VPS26B: variants seen among roughly 807,000 people sequenced by gnomAD.
The protein encoded by VPS26B is vacuolar protein sorting-associated protein 26B.
A neutral mutation model predicts 33.3 loss-of-function variants in VPS26B; 10 were observed. The observed-to-expected ratio is 0.30, with a 90% CI of 0.19 to 0.51. VPS26B has a LOEUF of 0.51. Among genes scored for constraint, VPS26B ranks in the 20% least tolerant of loss-of-function variants. VPS26B has a pLI of 0.98. For synonymous variants in VPS26B, 190 were observed against 176.9 expected (o/e 1.07, Z -0.59); for missense variants, 317 against 452.7 (o/e 0.70, Z 2.72).
rs1178247660 is a variant in VPS26B at position 134,244,130 on chromosome 11, T to A, written c.722-808T>A. The A allele has an allele frequency of 1.3e-5, 2 of 152,188 alleles. No individual in the cohort carries two copies. Among genetic ancestry groups the A allele is most frequent in the African/African-American group, 2.4e-5 (1 of 41,436 alleles). 9.4% of individuals were successfully genotyped at this position (152,188 alleles called of 1,614,324 possible). A position where few individuals can be genotyped will look rare whatever the true frequency, so the allele number is the denominator to read the frequency against. On this transcript the variant is annotated intron_variant, in intron 4 of 5. Coordinates refer to ENST00000281187, the MANE Select transcript of VPS26B (RefSeq NM_052875.5). This position sits in a 1 kb window ranked among gnomAD's most constrained non-coding sequence, Gnocchi z 4.0. The stretch of plus-strand genomic sequence containing the variant: ...GGTTGGGACCAAGCTCTCCTGACAC[T>A]CTCTGATGTCCCATTTTGTCACTGG...
In VPS26B at chr11:134,245,753, A is replaced by C; in HGVS notation, c.*163A>C. The C allele has an allele frequency of 2.0e-6, 2 of 1,016,664 alleles. No homozygotes were observed. Among genetic ancestry groups the C allele is most frequent in the Non-Finnish European group, 2.8e-6 (2 of 718,260 alleles). 63.0% of individuals were successfully genotyped at this position (1,016,664 alleles called of 1,614,324 possible). A position where few individuals can be genotyped will look rare whatever the true frequency, so the allele number is the denominator to read the frequency against. ...TTAAATTCTTTTCTCTGGAGAACCC[A>C]AGGGGCTTGGGGTGGGAAGCAGTCT... is the stretch of plus-strand genomic sequence containing the variant. On this transcript the variant is annotated 3_prime_UTR_variant, in exon 6 of 6. Coordinates refer to ENST00000281187, the MANE Select transcript of VPS26B (RefSeq NM_052875.5). This position sits in a 1 kb window ranked among gnomAD's most constrained non-coding sequence, Gnocchi z 4.7.
chr11:134,240,794 C>CGT lies in VPS26B; in HGVS notation c.545+672_545+673dup, dbSNP rs55726358. ...GTGTCCGTGTGTGTGTGTGTGTGTCCGTGTGTGTGTGTGTGTGTGTGTGTG... is the reference window on the plus strand; with the variant it reads ...GTGTCCGTGTGTGTGTGTGTGTGTCCGTGTGTGTGTGTGTGTGTGTGTGTGTG... On this transcript the variant is annotated intron_variant, in intron 3 of 5. Transcript: ENST00000281187. The surrounding 1 kb of genome is among the most constrained non-coding windows in gnomAD (Gnocchi z 4.4). Among the ~76,000 whole-genome samples, 7,323 of 138,350 alleles carry CGT rather than the reference C, an allele frequency of 0.053. 278 individuals carry two copies. Among genetic ancestry groups the CGT allele is most frequent in the African/African-American group, 0.11 (3,960 of 36,400 alleles). The allele number at this position is 138,350 out of a possible 152,430, so 90.8% of individuals were successfully genotyped here.
intron 2 of VPS26B, among the ~76,000 whole-genome samples, chr11:134,237,888 C>T (rs992375823): frequency 6.6e-6 from 1 of 152,072 alleles, no homozygotes; most frequent in Non-Finnish European, 1.5e-5. Context: ...TGACAGTTGT[C>T]TCTGAAGAAA....
At chr11:134,229,830 CTCCCTATTGGTTAA>C (rs1938532620) in intron 1 of VPS26B, among the ~76,000 whole-genome samples, 1 of 152,150 alleles carries the variant, frequency 6.6e-6, no homozygotes, top group Non-Finnish European at 1.5e-5. Flanking sequence ...AAATTCTCGC[CTCCCTATTGGTTAA>C]TGGGGGAAAG....
In VPS26B at chr11:134,238,938, G is replaced by T. The variant is rs189375624; in HGVS notation, c.381-1053G>T. Among the ~76,000 whole-genome samples, 196 of 152,234 alleles carry T rather than the reference G, an allele frequency of 1.3e-3. 1 individual carries two copies. Among genetic ancestry groups the T allele is most frequent in the African/African-American group, 4.6e-3 (193 of 41,548 alleles). On this transcript the variant is annotated intron_variant, in intron 2 of 5. Coordinates refer to ENST00000281187, the MANE Select transcript of VPS26B (RefSeq NM_052875.5). ...CTGGTAATGCTTGACAGATGGTGGG[G>T]ATTATCTAAGTTTTATTTAAAAGAA...
At chr11:134,232,957 C>T (rs967025563) in intron 1 of VPS26B, among the ~76,000 whole-genome samples, 3 of 152,196 alleles carry the variant, frequency 2.0e-5, no homozygotes, top group African/African-American at 4.8e-5. Flanking sequence ...CTGTCATATA[C>T]TTCTGACTTT....
At chr11:134,232,524 C>T (rs958591483) in intron 1 of VPS26B, among the ~76,000 whole-genome samples, 1 of 152,206 alleles carries the variant, frequency 6.6e-6, no homozygotes, top group African/African-American at 2.4e-5. Flanking sequence ...CTAGGGAGAA[C>T]GTGATGCTAT....
chr11:134,234,784 G>T, intron 1 of VPS26B, 113 bp from the exon 2 acceptor site: 1 of 1,328,602 alleles, frequency 7.5e-7, no homozygotes, highest in East Asian at 2.4e-5. Flanking sequence ...CTGTTCTGCA[G>T]GGAGGTCCTT....
At chr11:134,242,315 T>C (rs1938739105) in intron 3 of VPS26B, among the ~76,000 whole-genome samples, 2 of 152,192 alleles carry the variant, frequency 1.3e-5, no homozygotes, top group East Asian at 3.9e-4. Context: ...ACCACCTTTC[T>C]CTACCCCCTA....
intron 2 of VPS26B, among the ~76,000 whole-genome samples, chr11:134,237,957 T>C (rs1373964993): frequency 1.3e-5 from 2 of 152,022 alleles, no homozygotes; most frequent in African/African-American, 2.4e-5. Flanking sequence ...TTGGGATTGG[T>C]GACTTTGGAA....
intron 2 of VPS26B, among the ~76,000 whole-genome samples, chr11:134,236,128 ATT>A (rs1938628556): frequency 6.6e-6 from 1 of 152,036 alleles, no homozygotes; most frequent in Non-Finnish European, 1.5e-5. Context: ...TGGGCAACAT[ATT>A]GAGACCCTAT....
In VPS26B at chr11:134,239,101, A is replaced by T. The variant is rs1297962252; in HGVS notation, c.381-890A>T. Among the ~76,000 whole-genome samples the T allele has an allele frequency of 2.0e-5, 3 of 152,144 alleles. No homozygotes were observed. The East Asian group carries it at 5.8e-4, about 29-fold the overall frequency. ...GATGACAGTGCTGCACTGGCGGGCC[A>T]CAGAGGGCAGCTTGTTAAACCCTTC... On this transcript the variant is annotated intron_variant, in intron 2 of 5. Coordinates refer to ENST00000281187, the MANE Select transcript of VPS26B (RefSeq NM_052875.5).
chr11:134,231,638 C>T (rs941982334), intron 1 of VPS26B, among the ~76,000 whole-genome samples: 1 of 151,758 alleles, frequency 6.6e-6, no homozygotes, highest in Non-Finnish European at 1.5e-5. Flanking sequence ...AATCTCAGCT[C>T]ACTGCAACCT....
intron 1 of VPS26B, among the ~76,000 whole-genome samples, chr11:134,229,222 G>A (rs949245894): frequency 9.2e-5 from 14 of 152,060 alleles, no homozygotes; most frequent in Non-Finnish European, 1.2e-4. Context: ...GTAGAGACAG[G>A]GTCTGTCTTT....
intron 4 of VPS26B, 143 bp downstream of exon 4, chr11:134,243,437 G>A: frequency 9.6e-7 from 1 of 1,036,822 alleles, no homozygotes; most frequent in Non-Finnish European, 1.4e-6. Context: ...TTTACACCGT[G>A]GGTGGCCATA....
rs948723503 is a variant in VPS26B, at chr11:134,247,337, C to T, written c.*1747C>T. 1 of 152,142 alleles carries T rather than the reference C, an allele frequency of 6.6e-6. No individual in the cohort carries two copies. Among genetic ancestry groups the T allele is most frequent in the African/African-American group, 2.4e-5 (1 of 41,424 alleles). The allele number at this position is 152,142 out of a possible 1,614,324, so 9.4% of individuals were successfully genotyped here. On this transcript the variant is annotated 3_prime_UTR_variant, in exon 6 of 6. Transcript: ENST00000281187. ...AGAGCATGAGGTCAGGCTCTGTATCCCTCCTTTTCCTAGCTGATATTCTAA... is the reference window on the plus strand; with the variant it reads ...AGAGCATGAGGTCAGGCTCTGTATCTCTCCTTTTCCTAGCTGATATTCTAA...
intron 1 of VPS26B, among the ~76,000 whole-genome samples, chr11:134,230,155 A>G (rs1164436925): frequency 1.3e-5 from 2 of 152,222 alleles, no homozygotes; most frequent in East Asian, 1.9e-4. Flanking sequence ...CAAGCCGGGT[A>G]TGACAAGCTT....
intron 3 of VPS26B, among the ~76,000 whole-genome samples, chr11:134,242,676 G>A (rs1250986227): frequency 1.3e-5 from 2 of 152,260 alleles, no homozygotes; most frequent in African/African-American, 4.8e-5. Flanking sequence ...TGTCGGCCTA[G>A]AGCGGACAGA....
intron 1 of VPS26B, among the ~76,000 whole-genome samples, chr11:134,226,454 G>A (rs1479669189): frequency 6.6e-6 from 1 of 152,188 alleles, no homozygotes; most frequent in African/African-American, 2.4e-5. Context: ...GTAAAAGGCA[G>A]TAATGGTAAA....
Sources: gnomAD v4.1 joint callset for allele counts (sites outside exome capture counted in the v4.1 genomes callset) on GRCh38, gnomAD v4.1.1 for gene constraint, Gnocchi (gnomAD v3.1) non-coding constraint, MANE v1.5 for transcripts, NCBI Gene and HGNC (gene_info 2026-07-23, HGNC 2026-07-21) for gene names.